AGO3: variants seen among roughly 807,000 people sequenced by gnomAD.
The protein encoded by AGO3 is argonaute RISC catalytic component 3.
Under a neutral mutation model 105.5 loss-of-function variants are expected in AGO3, and 16 were observed. That is an observed-to-expected ratio of 0.15 (90% CI 0.10 to 0.23). The LOEUF (loss-of-function observed/expected upper bound fraction) is 0.23, where lower values mean the gene tolerates loss of function less well. Among genes scored for constraint, AGO3 ranks in the 10% least tolerant of loss-of-function variants. The pLI, the probability that AGO3 is intolerant of heterozygous loss-of-function variation, is 1.00. For missense variants in AGO3, 534 were observed against 1,088.0 expected (o/e 0.49, Z 7.16); for synonymous variants, 340 against 367.3 (o/e 0.93, Z 0.85).
At chr1:35,986,623 G>A (rs1647193325) in intron 5 of AGO3, among the ~76,000 whole-genome samples, 1 of 151,858 alleles carries the variant, frequency 6.6e-6, no homozygotes, top group Non-Finnish European at 1.5e-5. Flanking sequence ...AGGAGGTGGA[G>A]GTTGCAGTGA....
Position 35,997,562 on chromosome 1 carries a change from A to C in AGO3, c.659-6779A>C, listed in dbSNP as rs113226989. Among the ~76,000 whole-genome samples the C allele has an allele frequency of 8.5e-5, 13 of 152,306 alleles. 2 individuals are homozygous for C. Among genetic ancestry groups the C allele is most frequent in the African/African-American group, 2.9e-4 (12 of 41,576 alleles). On this transcript the variant is annotated intron_variant, in intron 5 of 18. Coordinates refer to ENST00000373191, the MANE Select transcript of AGO3 (RefSeq NM_024852.4). ...GTAGGCTCATATAAGTGTTCTGAGC[A>C]CATTTAAGGTAGGCCAAGCTACCTA...
At chr1:36,035,135 A>T (rs1225006411) in intron 13 of AGO3, among the ~76,000 whole-genome samples, 1 of 152,210 alleles carries the variant, frequency 6.6e-6, no homozygotes, top group Non-Finnish European at 1.5e-5. Context: ...TTTCCATGCC[A>T]TCTCTACTTT....
intron 3 of AGO3, among the ~76,000 whole-genome samples, chr1:35,969,152 A>G (rs1371065016): frequency 1.3e-5 from 2 of 150,818 alleles, no homozygotes; most frequent in African/African-American, 2.4e-5. Flanking sequence ...TAGATTTTTT[A>G]TTTTTTTTAG....
chr1:35,965,930 A>G (rs1332155507), intron 2 of AGO3, among the ~76,000 whole-genome samples: 1 of 150,716 alleles, frequency 6.6e-6, no homozygotes, highest in Non-Finnish European at 1.5e-5. Context: ...GGTTCAAGCA[A>G]TTCTCCTGCC....
chr1:36,008,882 C>CT lies in AGO3; in HGVS notation c.882-7dup. On this transcript the variant is annotated splice_polypyrimidine_tract_variant and intron_variant, in intron 7 of 18. Coordinates refer to ENST00000373191, the MANE Select transcript of AGO3 (RefSeq NM_024852.4). This position sits in a 1 kb window ranked among gnomAD's most constrained non-coding sequence, Gnocchi z 5.1. ...AATGGGCAAGAATTGTTCATGTGTA[C>CT]TTTTTTTTCCTCAGCTTTCCTTTAC... 1 of 1,613,762 alleles carries CT rather than the reference C, an allele frequency of 6.2e-7. No individual in the cohort carries two copies. Among genetic ancestry groups the CT allele is most frequent in the South Asian group, 1.1e-5 (1 of 91,078 alleles).
chr1:36,014,644 G>A lies in AGO3; in HGVS notation c.1406+596G>A, dbSNP rs564355995. Among the ~76,000 whole-genome samples, 19 of 151,532 alleles carry A rather than the reference G, an allele frequency of 1.3e-4. No individual in the cohort carries two copies. The South Asian group carries it at 1.7e-3, about 13-fold the overall frequency. The stretch of plus-strand genomic sequence containing the variant: ...AAATTAGCCAGGCGTGGTGGTGGGC[G>A]CCTGTAGTCTCAGTTACTCGGGAGG... On this transcript the variant is annotated intron_variant, in intron 11 of 18. Coordinates refer to ENST00000373191, the MANE Select transcript of AGO3 (RefSeq NM_024852.4).
At chr1:36,001,170 G>A (rs1455857283) in intron 5 of AGO3, among the ~76,000 whole-genome samples, 1 of 151,394 alleles carries the variant, frequency 6.6e-6, no homozygotes, top group Non-Finnish European at 1.5e-5. Context: ...GGGAGGCAGA[G>A]GTTGCAGTGA....
chr1:35,937,445 C>T (rs1383926941), intron 1 of AGO3, among the ~76,000 whole-genome samples: 1 of 151,788 alleles, frequency 6.6e-6, no homozygotes, highest in East Asian at 1.9e-4. Flanking sequence ...GTAATCCCAG[C>T]ACTTTAGGAG....
chr1:35,932,546 AGAGT>A (rs1214892278), intron 1 of AGO3, among the ~76,000 whole-genome samples: 1 of 150,404 alleles, frequency 6.6e-6, no homozygotes, highest in Admixed American at 6.6e-5. Flanking sequence ...AGATGGGGAG[AGAGT>A]TACAAATTTT....
chr1:36,041,900 TG>T (rs1462488583), intron 16 of AGO3, among the ~76,000 whole-genome samples: 2 of 152,112 alleles, frequency 1.3e-5, no homozygotes, highest in East Asian at 3.8e-4. Flanking sequence ...CAGTAAAGAT[TG>T]GCTAGCTCTC....
In AGO3 at chr1:36,064,134, A is replaced by C. The variant is rs419718; in HGVS notation, c.*8389A>C. 141,844 of 152,502 alleles carry C rather than the reference A, an allele frequency of 0.93. 66,037 individuals are homozygous for C. Among genetic ancestry groups the C allele is most frequent in the East Asian group, 1 (5,184 of 5,188 alleles). 9.4% of individuals were successfully genotyped at this position (152,502 alleles called of 1,614,324 possible). A position where few individuals can be genotyped will look rare whatever the true frequency, so the allele number is the denominator to read the frequency against. On this transcript the variant is annotated 3_prime_UTR_variant, in exon 19 of 19. Transcript: ENST00000373191. The stretch of plus-strand genomic sequence containing the variant: ...GTGGCTAACGCCTGTAATCCCAGCA[A>C]TTTGGGAGGCCGAGGCAGGCAGACC...
At chr1:35,930,992 G>A (rs1646031017), upstream of AGO3, 2 of 344,356 alleles carry the variant, frequency 5.8e-6, no homozygotes, top group Non-Finnish European at 1.0e-5. Flanking sequence ...CGCGCCGGCC[G>A]CTCCTGCCCC....
chr1:35,955,407 A>G (rs1361217674), intron 2 of AGO3, among the ~76,000 whole-genome samples: 1 of 152,214 alleles, frequency 6.6e-6, no homozygotes, highest in African/African-American at 2.4e-5. Context: ...TACTGTTTTA[A>G]TATGTAACTG....
intron 14 of AGO3, among the ~76,000 whole-genome samples, chr1:36,038,551 G>GGC (rs1642117473): frequency 1.3e-5 from 2 of 152,018 alleles, no homozygotes; most frequent in Admixed American, 1.3e-4. Flanking sequence ...TACCGTGCCC[G>GGC]GCCTGGATTT....
chr1:35,931,357 C>T lies in AGO3; in HGVS notation c.-70C>T. 7.3e-7 allele frequency: 1 copy of T among 1,373,544 alleles called. No individual in the cohort carries two copies. Among genetic ancestry groups the T allele is most frequent in the Non-Finnish European group, 9.5e-7 (1 of 1,054,680 alleles). 85.1% of individuals were successfully genotyped at this position (1,373,544 alleles called of 1,614,324 possible). Reference sequence around the variant, plus strand: ...GCCCGTCGCGTCGCGCCGCGTCGCCCCCCGGGCCGCCTCCTTGCCGCCAGT... The same window carrying T: ...GCCCGTCGCGTCGCGCCGCGTCGCCTCCCGGGCCGCCTCCTTGCCGCCAGT... On this transcript the variant is annotated 5_prime_UTR_variant, in exon 1 of 19. Coordinates refer to ENST00000373191, the MANE Select transcript of AGO3 (RefSeq NM_024852.4).
At chr1:36,038,973 C>T (rs1290056689) in intron 14 of AGO3, among the ~76,000 whole-genome samples, 2 of 152,148 alleles carry the variant, frequency 1.3e-5, no homozygotes, top group Non-Finnish European at 2.9e-5. Flanking sequence ...GAAGAAAAAT[C>T]AGTGGTTTGA....
chr1:36,021,695 G>A (rs1409464702), intron 11 of AGO3, among the ~76,000 whole-genome samples: 1 of 152,134 alleles, frequency 6.6e-6, no homozygotes, highest in Non-Finnish European at 1.5e-5. Context: ...GTCAAAGATT[G>A]AAAACACTTG....
At chr1:35,955,024 G>C (rs1347292510) in intron 2 of AGO3, among the ~76,000 whole-genome samples, 1 of 152,200 alleles carries the variant, frequency 6.6e-6, no homozygotes, top group East Asian at 1.9e-4. Flanking sequence ...TGACATGTTG[G>C]TATAACAGAA....
At chr1:35,974,763 T>C (rs1557659810) in intron 5 of AGO3, among the ~76,000 whole-genome samples, 5 of 152,368 alleles carry the variant, frequency 3.3e-5, no homozygotes, top group Admixed American at 1.3e-4. Flanking sequence ...TTTTCTGTTA[T>C]TCTTTTTGCA....
Sources: allele counts gnomAD v4.1 joint callset (sites outside exome capture counted in the v4.1 genomes callset), GRCh38; gene constraint gnomAD v4.1.1; non-coding constraint Gnocchi (gnomAD v3.1); transcripts MANE v1.5; gene names NCBI Gene and HGNC (gene_info 2026-07-23, HGNC 2026-07-21).